The following HS2ST1 variants were observed in gnomAD, a reference collection of about 807,000 sequenced individuals.
HS2ST1 encodes heparan sulfate 2-O-sulfotransferase 1, also known as 2-O-sulfotransferase.
HS2ST1 carries 18 observed loss-of-function variants against 42.9 expected under a neutral mutation model. The observed-to-expected ratio is 0.42, with a 90% confidence interval of 0.29 to 0.62. The LOEUF (loss-of-function observed/expected upper bound fraction) is 0.62. Among genes scored for constraint, HS2ST1 ranks in the 20% least tolerant of loss-of-function variants. HS2ST1 has a pLI of 0.21. For missense variants in HS2ST1, 334 were observed against 433.8 expected, an observed-to-expected ratio of 0.77 and a Z score of 2.04; for synonymous variants, 146 against 152.9, an observed-to-expected ratio of 0.95 and a Z score of 0.33.
intron 1 of HS2ST1, among the ~76,000 whole-genome samples, chr1:87,063,655 C>A (rs1167113235): frequency 6.6e-6 from 1 of 152,008 alleles, no homozygotes; most frequent in African/African-American, 2.4e-5. Context: ...TTTGTATCTT[C>A]ATTTTCTCTA....
intron 1 of HS2ST1, among the ~76,000 whole-genome samples, chr1:87,036,753 A>G (rs1352425808): frequency 2.6e-5 from 4 of 152,174 alleles, no homozygotes; most frequent in African/African-American, 7.2e-5. Context: ...TCAACATTGC[A>G]CACTCTTTGA....
chr1:86,950,953 T>C (rs1490154415), intron 1 of HS2ST1, among the ~76,000 whole-genome samples: 1 of 152,218 alleles, frequency 6.6e-6, no homozygotes, highest in African/African-American at 2.4e-5. Context: ...GTCAAGTTTC[T>C]ACAGTCCTTT....
chr1:87,035,600 G>T (rs148463718), intron 1 of HS2ST1, among the ~76,000 whole-genome samples: 101 of 152,138 alleles, frequency 6.6e-4, no homozygotes, highest in African/African-American at 2.3e-3. Flanking sequence ...AATTTCTTAT[G>T]CATCTACTGT....
chr1:86,939,880 A>C (rs1660727446), intron 1 of HS2ST1, among the ~76,000 whole-genome samples: 1 of 152,242 alleles, frequency 6.6e-6, no homozygotes, highest in South Asian at 2.1e-4. Context: ...AAGACCAAAA[A>C]GCTCAGCAAT....
At chr1:86,952,859 A>C in intron 1 of HS2ST1, among the ~76,000 whole-genome samples, 1 of 152,202 alleles carries the variant, frequency 6.6e-6, no homozygotes, top group Non-Finnish European at 1.5e-5. Context: ...AGGAATTTTC[A>C]TATGGTAAAT....
At position 86,963,682 on chromosome 1, in the gene HS2ST1, AC is replaced by A. The variant is rs970548829; in HGVS notation, c.124+48523del. Among the ~76,000 whole-genome samples, 139 of 59,100 alleles carry A rather than the reference AC, an allele frequency of 2.4e-3. 1 individual carries two copies. The East Asian group carries it at 0.23, about 98-fold the overall frequency. 38.8% of individuals were successfully genotyped at this position (59,100 alleles called of 152,430 possible). A position where few individuals can be genotyped will look rare whatever the true frequency, so the allele number is the denominator to read the frequency against. ...GTGAGCTGTTGGGTACACCTCCCAG[AC>A]GGGGGTGACAGCCGGGCAGAGGGGC... On this transcript the variant is annotated intron_variant, in intron 1 of 6. Transcript: ENST00000370550.
intron 1 of HS2ST1, among the ~76,000 whole-genome samples, chr1:87,012,173 T>G (rs771327741): frequency 9.9e-5 from 15 of 152,210 alleles, no homozygotes; most frequent in Admixed American, 9.8e-4. Context: ...TCTAGCACTT[T>G]TATCCAAATC....
intron 1 of HS2ST1, among the ~76,000 whole-genome samples, chr1:86,984,284 G>T (rs534782153): frequency 6.6e-6 from 1 of 152,250 alleles, no homozygotes; most frequent in South Asian, 2.1e-4. Context: ...CCCTAGAAAT[G>T]GATGTTTCCG....
rs1395515093 is a variant in HS2ST1, at chr1:86,921,403, A to G, written c.124+6243A>G. ...AACCCTTTTTTTTATACAAGATACC[A>G]TCTTTATCCTTGGTAATATTCTTTG... On this transcript the variant is annotated intron_variant, in intron 1 of 6. Transcript: ENST00000370550. Among the ~76,000 whole-genome samples the G allele has an allele frequency of 3.3e-5, 5 of 152,208 alleles. No individual in the cohort carries two copies. The South Asian group carries it at 1.0e-3, about 32-fold the overall frequency.
intron 1 of HS2ST1, among the ~76,000 whole-genome samples, chr1:86,963,814 G>T (rs1243805680): frequency 6.9e-6 from 1 of 145,124 alleles, no homozygotes; most frequent in Admixed American, 6.8e-5. Flanking sequence ...CCCCCTGGAC[G>T]GGGCGGCTGG....
intron 1 of HS2ST1, among the ~76,000 whole-genome samples, chr1:87,030,842 G>C (rs1481008840): frequency 6.6e-6 from 1 of 152,030 alleles, no homozygotes; most frequent in Non-Finnish European, 1.5e-5. Context: ...TCTTATTATG[G>C]GGTATTATGC....
chr1:87,000,400 C>A (rs1247970460), intron 1 of HS2ST1, among the ~76,000 whole-genome samples: 1 of 152,132 alleles, frequency 6.6e-6, no homozygotes, highest in East Asian at 1.9e-4. Context: ...TCTAGTATTT[C>A]TTACCAAAAA....
Position 87,109,214 on chromosome 1 carries a change from G to A in HS2ST1, c.*4518G>A, listed in dbSNP as rs555214789. 1.1e-4 allele frequency: 17 copies of A among 152,552 alleles called. No individual in the cohort carries two copies. In the South Asian group the frequency reaches 3.3e-3, roughly 30 times the overall value. The allele number at this position is 152,552 out of a possible 1,614,324, so 9.4% of individuals were successfully genotyped here. A position where few individuals can be genotyped will look rare whatever the true frequency, so the allele number is the denominator to read the frequency against. ...GTGTCCTGTTTTAATATTTTCTTTT[G>A]TAGCCTTGACACTGATGGACATTTT... On this transcript the variant is annotated 3_prime_UTR_variant, in exon 7 of 7. Transcript: ENST00000370550.
At chr1:86,934,702 C>T (rs186994577) in intron 1 of HS2ST1, 183 of 152,320 alleles carry the variant, frequency 1.2e-3, no homozygotes, top group African/African-American at 4.2e-3. Context: ...CCGAGGTGGG[C>T]GGATCACCAG....
rs148148031 is a variant in HS2ST1, at chr1:87,033,699, C to T, written c.125-39235C>T. 8.8e-3 allele frequency among the ~76,000 whole-genome samples: 1,344 copies of T among 152,180 alleles called. 25 individuals are homozygous for T. Among genetic ancestry groups the T allele is most frequent in the African/African-American group, 0.03 (1,247 of 41,526 alleles). On this transcript the variant is annotated intron_variant, in intron 1 of 6. Coordinates refer to ENST00000370550, the MANE Select transcript of HS2ST1 (RefSeq NM_012262.4). ...GTTGGATTACAGGCGCCTGCCACCA[C>T]GTCCAGCTGATTTTTGTATTTTTAG...
chr1:86,987,695 A>G (rs1246052971), intron 1 of HS2ST1, among the ~76,000 whole-genome samples: 1 of 152,170 alleles, frequency 6.6e-6, no homozygotes, highest in African/African-American at 2.4e-5. Flanking sequence ...TTCTGATCTT[A>G]TCTCCTGTTA....
chr1:86,981,433 A>G (rs1648587701), intron 1 of HS2ST1, among the ~76,000 whole-genome samples: 1 of 152,214 alleles, frequency 6.6e-6, no homozygotes, highest in Non-Finnish European at 1.5e-5. Context: ...CTCATCTGAC[A>G]CAAGACAAGT....
At chr1:86,964,029 C>T (rs528713041) in intron 1 of HS2ST1, among the ~76,000 whole-genome samples, 65 of 152,126 alleles carry the variant, frequency 4.3e-4, no homozygotes, top group African/African-American at 1.5e-3. Context: ...CTCCTCACCT[C>T]CCAGACGGGG....
intron 1 of HS2ST1, among the ~76,000 whole-genome samples, chr1:86,965,246 T>C (rs1648011720): frequency 6.6e-6 from 1 of 152,090 alleles, no homozygotes; most frequent in Non-Finnish European, 1.5e-5. Context: ...TTCCTTCACC[T>C]TACCCTGCTT....
Sources: allele counts gnomAD v4.1 joint callset (sites outside exome capture counted in the v4.1 genomes callset), GRCh38; gene constraint gnomAD v4.1.1; transcripts MANE v1.5; gene names NCBI Gene and HGNC (gene_info 2026-07-23, HGNC 2026-07-21).